Variants in PPIP5K1 observed in about 807,000 individuals in gnomAD.
The protein encoded by PPIP5K1 is diphosphoinositol pentakisphosphate kinase 1, also known as inositol hexakisphosphate and diphosphoinositol-pentakisphosphate kinase 1.
In PPIP5K1, 6 loss-of-function variants were observed where a neutral mutation model predicts 27.7. The observed-to-expected ratio is 0.22, with a 90% CI of 0.12 to 0.43. The LOEUF is 0.43. PPIP5K1 is among the 20% of genes least tolerant of loss of function. The pLI is 1.00. For synonymous variants in PPIP5K1, 145 were observed against 242.6 expected (o/e 0.60, Z 3.74); for missense variants, 394 against 635.4 (o/e 0.62, Z 4.08).
intron 31 of PPIP5K1, among the ~76,000 whole-genome samples, 167 bp downstream of exon 31, chr15:43,539,303 C>G (rs2080351979): frequency 6.6e-6 from 1 of 151,900 alleles, no homozygotes; most frequent in Non-Finnish European, 1.5e-5. Context: ...AGAGAATAAA[C>G]AGATTCTCCT....
rs1357906563 is a variant in PPIP5K1 at position 43,553,025 on chromosome 15, G to A, written c.3556+5770C>T. 3.9e-5 allele frequency among the ~76,000 whole-genome samples: 6 copies of A among 152,150 alleles called. No homozygotes were observed. The East Asian group carries it at 1.2e-3, about 29-fold the overall frequency. On this transcript the variant is annotated intron_variant, in intron 30 of 31. Transcript: ENST00000420765. ...CACTCCAGCCTGGACGACAGAGTGAGAATCTGTTTCAAAAAAATAAAAAAG... is the reference window on the plus strand; with the variant it reads ...CACTCCAGCCTGGACGACAGAGTGAAAATCTGTTTCAAAAAAATAAAAAAG...
chr15:43,548,270 T>TTA (rs2081629654), intron 30 of PPIP5K1: 1 of 152,076 alleles, frequency 6.6e-6, no homozygotes, highest in South Asian at 2.1e-4. Flanking sequence ...GGCTATTTTT[T>TTA]TTATTATTAT....
intron 29 of PPIP5K1, 108 bp from the exon 30 acceptor site, chr15:43,559,040 T>G (rs2083429580): frequency 1.4e-6 from 2 of 1,393,288 alleles, no homozygotes; most frequent in Non-Finnish European, 2.0e-6. Context: ...GTCCGTGGCT[T>G]TTGGAGTGTT....
chr15:43,534,996 A>T lies in PPIP5K1; in HGVS notation c.4151T>A (p.Leu1384Gln). The change falls in exon 32 of 32, where the codon CTA becomes CAA. Residue 1384 changes from leucine (L) to glutamine (Q), a missense_variant. This residue lies in a region of PPIP5K1 where 379 missense variants were observed against 423.9 expected (regional missense o/e 0.89). Coordinates refer to ENST00000420765, the MANE Select transcript of PPIP5K1 (RefSeq NM_001394395.1). ...GACCTCCTCGGAGTTCTCCAGACAT[A>T]GCTGGCAAACTTCCTCAGAGACTTT... ...CQKVSEEVCQ[L>Q]CLENSEEVSQ... 6.2e-7 allele frequency: 1 copy of T among 1,611,606 alleles called. No homozygotes were observed. Among genetic ancestry groups the T allele is most frequent in the Non-Finnish European group, 8.5e-7 (1 of 1,179,306 alleles).
intron 31 of PPIP5K1, chr15:43,536,129 G>A (rs2079812108): frequency 7.8e-7 from 1 of 1,285,368 alleles, no homozygotes; most frequent in African/African-American, 1.5e-5. Flanking sequence ...AAAGAAAATG[G>A]TTTACCTGGC....
intron 30 of PPIP5K1, among the ~76,000 whole-genome samples, chr15:43,552,156 T>C (rs2082290909): frequency 2.0e-5 from 3 of 152,136 alleles, no homozygotes; most frequent in East Asian, 1.9e-4. Context: ...AGTCTCACTA[T>C]ATTGCCCAGA....
intron 30 of PPIP5K1, among the ~76,000 whole-genome samples, chr15:43,543,049 G>A (rs1035400802): frequency 4.6e-5 from 7 of 151,412 alleles, no homozygotes; most frequent in Admixed American, 4.0e-4. Flanking sequence ...TTGTTTCCTT[G>A]CTTTCCTTTA....
chr15:43,544,416 T>TC, intron 30 of PPIP5K1, among the ~76,000 whole-genome samples: 1 of 152,342 alleles, frequency 6.6e-6, no homozygotes, highest in East Asian at 1.9e-4. Flanking sequence ...CACAGCTTTT[T>TC]CAACTACTCT....
intron 30 of PPIP5K1, among the ~76,000 whole-genome samples, chr15:43,548,985 G>A (rs563769007): frequency 1.0e-4 from 13 of 126,374 alleles, no homozygotes; most frequent in Middle Eastern, 6.3e-3. Flanking sequence ...TGGACATTGC[G>A]CCACTGCACC....
intron 30 of PPIP5K1, among the ~76,000 whole-genome samples, chr15:43,544,625 T>A (rs1305260915): frequency 6.6e-6 from 1 of 152,112 alleles, no homozygotes; most frequent in Non-Finnish European, 1.5e-5. Context: ...GAGACTCTTG[T>A]CTCTACAAAA....
intron 30 of PPIP5K1, among the ~76,000 whole-genome samples, chr15:43,554,674 A>G (rs990655450): frequency 6.7e-6 from 1 of 150,054 alleles, no homozygotes; most frequent in African/African-American, 2.5e-5. Context: ...GGCACGCACA[A>G]GGAAAGGTGG....
At chr15:43,538,287 G>A (rs1301661991) in intron 31 of PPIP5K1, among the ~76,000 whole-genome samples, 1 of 152,162 alleles carries the variant, frequency 6.6e-6, no homozygotes, top group Non-Finnish European at 1.5e-5. Flanking sequence ...CAGTGCCTCT[G>A]GCCCATATTC....
chr15:43,543,503 C>G (rs944837402), intron 30 of PPIP5K1, among the ~76,000 whole-genome samples: 1 of 151,778 alleles, frequency 6.6e-6, no homozygotes, highest in Non-Finnish European at 1.5e-5. Context: ...AAACCCTGCT[C>G]TAGACCAAAA....
At chr15:43,541,912 T>C (rs575455209) in intron 30 of PPIP5K1, among the ~76,000 whole-genome samples, 2 of 152,216 alleles carry the variant, frequency 1.3e-5, no homozygotes, top group Non-Finnish European at 2.9e-5. Context: ...TTAAATAATT[T>C]TGTTAAGAAT....
intron 31 of PPIP5K1, among the ~76,000 whole-genome samples, chr15:43,538,606 A>C (rs2080230167): frequency 6.6e-6 from 1 of 151,878 alleles, no homozygotes; most frequent in African/African-American, 2.4e-5. Flanking sequence ...AGCTCACTGC[A>C]AGCTCTGCCA....
At position 43,579,666 on chromosome 15, in the gene PPIP5K1, T is replaced by TATTTTTA. The variant is rs1265484855; in HGVS notation, c.1062-547_1062-546insTAAAAAT. Among the ~76,000 whole-genome samples, 3 of 48,868 alleles carry TATTTTTA rather than the reference T, an allele frequency of 6.1e-5. No individual in the cohort carries two copies. In the African/African-American group the frequency reaches 7.4e-4, roughly 12 times the overall value. The allele number at this position is 48,868 out of a possible 152,430, so 32.1% of individuals were successfully genotyped here. On this transcript the variant is annotated intron_variant, in intron 10 of 31. Coordinates refer to ENST00000420765, the MANE Select transcript of PPIP5K1 (RefSeq NM_001394395.1). ...ATATATATATATATTTTTTTTTTTT[T>TATTTTTA]TTTTTTTTTTTTTGAGATAGAGTTT... is the stretch of plus-strand genomic sequence containing the variant.
intron 31 of PPIP5K1, among the ~76,000 whole-genome samples, chr15:43,538,081 A>G (rs2080152048): frequency 6.6e-6 from 1 of 152,120 alleles, no homozygotes; most frequent in Admixed American, 6.5e-5. Flanking sequence ...ATAATCTGAA[A>G]TTCAGGGGAG....
chr15:43,554,390 C>T (rs1389350620), intron 30 of PPIP5K1, among the ~76,000 whole-genome samples: 1 of 151,988 alleles, frequency 6.6e-6, no homozygotes, highest in African/African-American at 2.4e-5. Flanking sequence ...TCAAGCAATC[C>T]TCCCACTTCA....
chr15:43,545,084 A>G (rs916620984), intron 30 of PPIP5K1, among the ~76,000 whole-genome samples: 4 of 152,000 alleles, frequency 2.6e-5, no homozygotes, highest in Admixed American at 6.6e-5. Flanking sequence ...AGGCTGAGGC[A>G]AGAGAATGAC....
Sources: gnomAD v4.1 joint callset for allele counts (sites outside exome capture counted in the v4.1 genomes callset) on GRCh38, gnomAD v4.1.1 for gene constraint, gnomAD v4.1.1 regional missense constraint, MANE v1.5 for transcripts, NCBI Gene and HGNC (gene_info 2026-07-23, HGNC 2026-07-21) for gene names.